Variants in SGCD observed in about 807,000 individuals in gnomAD.
SGCD encodes sarcoglycan delta, also known as delta-sarcoglycan.
Under a neutral mutation model 36.6 loss-of-function variants are expected in SGCD, and 18 were observed. The observed-to-expected ratio is 0.49, with a 90% CI of 0.34 to 0.73. SGCD has a LOEUF of 0.73. Among genes scored for constraint, SGCD ranks in the 30% least tolerant of loss-of-function variants. SGCD has a pLI of 0.01. For missense variants in SGCD, 387 were observed against 346.7 expected (o/e 1.12, Z -0.92); for synonymous variants, 133 against 130.6 (o/e 1.02, Z -0.12).
chr5:155,962,011 C>A (rs915621211), intron 1 of SGCD, among the ~76,000 whole-genome samples: 1 of 152,076 alleles, frequency 6.6e-6, no homozygotes, highest in East Asian at 1.9e-4. Context: ...TTGAGTGCTA[C>A]GCATCAAATG....
chr5:156,269,868 T>C (rs1420403245), intron 3 of SGCD, among the ~76,000 whole-genome samples: 1 of 152,230 alleles, frequency 6.6e-6, no homozygotes, highest in Non-Finnish European at 1.5e-5. Flanking sequence ...TCAGAAACTC[T>C]TAAGTTTAAT....
At chr5:155,801,482 T>C in the SGCD span, among the ~76,000 whole-genome samples, 1 of 152,196 alleles carries the variant, frequency 6.6e-6, no homozygotes, top group Admixed American at 6.5e-5. Context: ...TATAGGACTC[T>C]GAAGCTCTCC....
At chr5:156,107,249 T>C (rs945673727) in intron 1 of SGCD, among the ~76,000 whole-genome samples, 2 of 152,180 alleles carry the variant, frequency 1.3e-5, no homozygotes, top group African/African-American at 4.8e-5. Flanking sequence ...CATGAGCCCA[T>C]CAATTTACCT....
At chr5:156,417,720 T>G (rs1773118125) in intron 3 of SGCD, among the ~76,000 whole-genome samples, 1 of 152,036 alleles carries the variant, frequency 6.6e-6, no homozygotes, top group Non-Finnish European at 1.5e-5. Flanking sequence ...CACTTAACCT[T>G]AATCAACTTC....
rs76996692 is a variant in SGCD at position 156,432,344 on chromosome 5, G to A, written c.193-76257G>A. Among the ~76,000 whole-genome samples, 178 of 152,322 alleles carry A rather than the reference G, an allele frequency of 1.2e-3. 3 individuals are homozygous for A. In the East Asian group the frequency reaches 0.031, roughly 26 times the overall value. On this transcript the variant is annotated intron_variant, in intron 3 of 8. Transcript: ENST00000337851. ...TTGGCTGTTATTTTCTCTTTCTTGC[G>A]AGCAGTATTTCTTTGTCATGGGTTG...
rs145504966 is a variant in SGCD, at chr5:156,008,282, C to T, written c.-281-109596C>T. 1.1e-4 allele frequency among the ~76,000 whole-genome samples: 17 copies of T among 152,302 alleles called. No individual in the cohort carries two copies. In the East Asian group the frequency reaches 2.7e-3, roughly 24 times the overall value. On this transcript the variant is annotated intron_variant, in intron 1 of 9. Transcript: ENST00000517913. ...CCTCTTTCTAGCTTCTGGTGGCTTC[C>T]AGCAATCCTTGAAGTTCCTTGACTT...
At chr5:156,216,542 A>G (rs1764579050) in intron 3 of SGCD, among the ~76,000 whole-genome samples, 2 of 152,170 alleles carry the variant, frequency 1.3e-5, no homozygotes, top group Admixed American at 1.3e-4. Flanking sequence ...TTTTATTACC[A>G]GCTCTCTCTT....
intron 3 of SGCD, among the ~76,000 whole-genome samples, chr5:156,345,285 T>G (rs1768889116): frequency 6.6e-6 from 1 of 152,158 alleles, no homozygotes; most frequent in Admixed American, 6.5e-5. Flanking sequence ...CAATGAAACT[T>G]TTGCTATTGG....
At chr5:156,643,448 A>G (rs140759968) in intron 6 of SGCD, among the ~76,000 whole-genome samples, 1 of 152,050 alleles carries the variant, frequency 6.6e-6, no homozygotes, top group Non-Finnish European at 1.5e-5. Flanking sequence ...AGATTTATTA[A>G]GTTAATTGAA....
At chr5:156,514,431 T>C (rs937534326) in intron 4 of SGCD, among the ~76,000 whole-genome samples, 2 of 152,244 alleles carry the variant, frequency 1.3e-5, no homozygotes, top group Non-Finnish European at 2.9e-5. Context: ...TCCTAGCCCA[T>C]TGCTGTATTG....
chr5:156,178,650 A>G (rs1409236374), intron 3 of SGCD, among the ~76,000 whole-genome samples: 6 of 152,182 alleles, frequency 3.9e-5, no homozygotes, highest in African/African-American at 1.2e-4. Context: ...GAGATTGCTC[A>G]CTGCAACCTC....
intron 4 of SGCD, among the ~76,000 whole-genome samples, chr5:156,520,503 TAGAGA>T (rs1342563857): frequency 6.6e-6 from 1 of 152,018 alleles, no homozygotes; most frequent in East Asian, 1.9e-4. Flanking sequence ...CTCACAGAAG[TAGAGA>T]AAACTATTTT....
intron 3 of SGCD, among the ~76,000 whole-genome samples, chr5:156,246,997 G>A (rs987157838): frequency 6.6e-6 from 1 of 152,172 alleles, no homozygotes; most frequent in African/African-American, 2.4e-5. Context: ...GCACCACTTA[G>A]ACTTTAAGTC....
At chr5:156,373,631 A>G (rs937829252) in intron 3 of SGCD, among the ~76,000 whole-genome samples, 4 of 152,218 alleles carry the variant, frequency 2.6e-5, no homozygotes, top group African/African-American at 7.2e-5. Context: ...AGAAATCTCC[A>G]TGACTCTGAC....
At chr5:155,884,593 T>C (rs1755964221) in intron 1 of SGCD, among the ~76,000 whole-genome samples, 2 of 152,236 alleles carry the variant, frequency 1.3e-5, no homozygotes, top group Admixed American at 1.3e-4. Context: ...TTTCTTGATC[T>C]TGTCTCATTG....
chr5:155,768,621 G>GA, the SGCD span, among the ~76,000 whole-genome samples: 3 of 152,122 alleles, frequency 2.0e-5, no homozygotes, highest in African/African-American at 2.4e-5. Flanking sequence ...GGCTAAATCA[G>GA]AAAAAACGAA....
chr5:156,024,327 G>T (rs888835611), intron 1 of SGCD, among the ~76,000 whole-genome samples: 2 of 150,768 alleles, frequency 1.3e-5, no homozygotes, highest in Admixed American at 1.3e-4. Context: ...ACGTCCTCAA[G>T]ATGCACTCAA....
rs995886290 is a variant in SGCD at position 156,050,184 on chromosome 5, G to A, written c.-281-67694G>A. Among the ~76,000 whole-genome samples, 23 of 146,408 alleles carry A rather than the reference G, an allele frequency of 1.6e-4. 1 individual carries two copies. Among genetic ancestry groups the A allele is most frequent in the African/African-American group, 5.6e-4 (23 of 40,708 alleles). On this transcript the variant is annotated intron_variant, in intron 1 of 9. Coordinates refer to the SGCD transcript ENST00000517913. Reference sequence around the variant, plus strand: ...ATAGAGAAATCTTTCACGAAAAGAAGAACCAACTGATGCTACAGAATTCAT... The same window carrying A: ...ATAGAGAAATCTTTCACGAAAAGAAAAACCAACTGATGCTACAGAATTCAT...
chr5:155,937,929 G>A (rs959236312), intron 1 of SGCD, among the ~76,000 whole-genome samples: 6 of 152,222 alleles, frequency 3.9e-5, no homozygotes, highest in Admixed American at 2.6e-4. Context: ...CAAGTTTGAT[G>A]ATTTACCTGT....
Sources: allele counts gnomAD v4.1 joint callset (sites outside exome capture counted in the v4.1 genomes callset), GRCh38; gene constraint gnomAD v4.1.1; transcripts MANE v1.5; gene names NCBI Gene and HGNC (gene_info 2026-07-23, HGNC 2026-07-21).